The following NAALADL2 variants were observed in gnomAD, a reference collection of about 807,000 sequenced individuals.
NAALADL2 encodes inactive N-acetylated-alpha-linked acidic dipeptidase-like protein 2.
In NAALADL2, 76 loss-of-function variants were observed where a neutral mutation model predicts 87.2. That is an observed-to-expected ratio of 0.87 (90% CI 0.72 to 1.05). The LOEUF (loss-of-function observed/expected upper bound fraction) is 1.05, where lower values mean the gene tolerates loss of function less well. Among genes scored for constraint, NAALADL2 ranks in the 50% least tolerant of loss-of-function variants. NAALADL2 has a pLI of 0.00. For synonymous variants in NAALADL2, 354 were observed against 331.0 expected, an observed-to-expected ratio of 1.07 and a Z score of -0.75; for missense variants, 1,089 against 945.8, an observed-to-expected ratio of 1.15 and a Z score of -1.99.
intron 1 of NAALADL2, among the ~76,000 whole-genome samples, chr3:174,458,093 C>T (rs905993141): frequency 3.9e-5 from 6 of 152,080 alleles, no homozygotes; most frequent in Non-Finnish European, 7.4e-5. Flanking sequence ...CCCCTTGATA[C>T]AATTTACCTA....
chr3:175,068,844 T>A (rs1460684033), intron 1 of NAALADL2, among the ~76,000 whole-genome samples: 1 of 152,096 alleles, frequency 6.6e-6, no homozygotes. Flanking sequence ...GCACTTGGTA[T>A]CTTCCATGGA....
rs142110969 is a variant in NAALADL2, at chr3:175,354,881, TACACACAC to T, written c.1090+30572_1090+30579del. Among the ~76,000 whole-genome samples the T allele has an allele frequency of 5.4e-5, 8 of 146,934 alleles. No individual in the cohort carries two copies. In the South Asian group the frequency reaches 1.3e-3, roughly 24 times the overall value. ...CTATACATACATACATACATATATA[TACACACAC>T]ACACACACACACACATATACACACA... On this transcript the variant is annotated intron_variant, in intron 5 of 13. Transcript: ENST00000454872.
chr3:175,605,177 T>A lies in NAALADL2; in HGVS notation c.1801-22114T>A, dbSNP rs190941630. ...CATGACCTCAATGCCACCAGACCCT[T>A]TGCAGCTCATTTGTTCCTCCCTCAA... On this transcript the variant is annotated intron_variant, in intron 10 of 13. Transcript: ENST00000454872. Among the ~76,000 whole-genome samples, 4 of 152,304 alleles carry A rather than the reference T, an allele frequency of 2.6e-5. No homozygotes were observed. In the East Asian group the frequency reaches 7.7e-4, roughly 29 times the overall value.
At chr3:175,585,298 G>A (rs1264636307) in intron 10 of NAALADL2, among the ~76,000 whole-genome samples, 2 of 152,060 alleles carry the variant, frequency 1.3e-5, no homozygotes, top group Non-Finnish European at 1.5e-5. Context: ...GAGTACCATA[G>A]CATATGCCAT....
chr3:174,491,255 A>T (rs1718175784), intron 1 of NAALADL2, among the ~76,000 whole-genome samples: 1 of 152,258 alleles, frequency 6.6e-6, no homozygotes, highest in South Asian at 2.1e-4. Flanking sequence ...ACTGAATCTT[A>T]TAACTGCAGG....
intron 10 of NAALADL2, among the ~76,000 whole-genome samples, chr3:175,621,719 CTT>C (rs1726257099): frequency 6.6e-6 from 1 of 152,094 alleles, no homozygotes; most frequent in Non-Finnish European, 1.5e-5. Context: ...TGTATTAAGT[CTT>C]ATAAGTAATC....
At chr3:175,676,026 G>A (rs569400277) in intron 11 of NAALADL2, 1 of 152,144 alleles carries the variant, frequency 6.6e-6, no homozygotes, top group East Asian at 1.9e-4. Context: ...GCCCATCAAT[G>A]TCTTACATGA....
chr3:174,469,250 A>G (rs564017614), intron 1 of NAALADL2, among the ~76,000 whole-genome samples: 1 of 150,590 alleles, frequency 6.6e-6, no homozygotes, highest in South Asian at 2.1e-4. Flanking sequence ...AGCAAACACC[A>G]GTCTCCAGAC....
chr3:174,839,648 G>GA (rs887714360), intron 3 of NAALADL2, among the ~76,000 whole-genome samples: 8 of 151,026 alleles, frequency 5.3e-5, no homozygotes, highest in African/African-American at 7.3e-5. Context: ...AAATCAGCAA[G>GA]AAAAAAAACA....
At chr3:175,327,148 CTTTTTTTTTTT>C (rs35198621) in intron 5 of NAALADL2, among the ~76,000 whole-genome samples, 3 of 99,514 alleles carry the variant, frequency 3.0e-5, no homozygotes. Flanking sequence ...GTCTACATTT[CTTTTTTTTTTT>C]TTTTTTTTTT....
At chr3:175,198,759 T>C (rs1042597103) in intron 2 of NAALADL2, among the ~76,000 whole-genome samples, 1 of 151,074 alleles carries the variant, frequency 6.6e-6, no homozygotes, top group African/African-American at 2.4e-5. Context: ...TAAAGTACTT[T>C]GCAGATTTTT....
Position 175,097,029 on chromosome 3 carries a change from G to A in NAALADL2, c.283G>A (p.Gly95Arg), listed in dbSNP as rs201968057. 184 of 1,613,446 alleles carry A rather than the reference G, an allele frequency of 1.1e-4. No individual in the cohort carries two copies. The highest frequency in any genetic ancestry group is 1.4e-4 in the Non-Finnish European group (167 of 1,179,730). Reference protein sequence around the residue: ...DSIQPATSPKGRFQRLQEESD... With the variant: ...DSIQPATSPKRRFQRLQEESD... ...CATTCAACCAGCAACTTCACCCAAA[G>A]GAAGGTTCCAGAGACTTCAAGAAGA... The change falls in exon 2 of 14, where the codon GGA (glycine) becomes AGA (arginine). Residue 95 changes from glycine to arginine, a missense_variant. Gly to Arg is a moderately radical substitution (Grantham distance 125). Coordinates refer to ENST00000454872, the MANE Select transcript of NAALADL2 (RefSeq NM_207015.3).
intron 1 of NAALADL2, among the ~76,000 whole-genome samples, chr3:174,468,762 C>CTTTT (rs541184155): frequency 7.7e-6 from 1 of 130,146 alleles, no homozygotes; most frequent in Non-Finnish European, 1.7e-5. Flanking sequence ...TAACTATATT[C>CTTTT]TTTTTTTTTT....
rs148978072 is a variant in NAALADL2, at chr3:174,751,858, A to ATG, written c.-9+14129_-9+14130dup. 4.6e-3 allele frequency among the ~76,000 whole-genome samples: 696 copies of ATG among 151,170 alleles called. 9 individuals carry two copies. The South Asian group carries it at 0.054, about 12-fold the overall frequency. On this transcript the variant is annotated intron_variant, in intron 3 of 3. Coordinates refer to the NAALADL2 transcript ENST00000434257. ...TATTGACTTTAGAGATTATGTATGT[A>ATG]TGTGTGTGTGTGTGTGTGCGCGTGC...
chr3:174,887,196 C>T (rs192996072), intron 1 of NAALADL2, among the ~76,000 whole-genome samples: 1 of 152,188 alleles, frequency 6.6e-6, no homozygotes, highest in East Asian at 1.9e-4. Context: ...TAGGCATCTT[C>T]CTTTTTGCCT....
In NAALADL2 at chr3:174,804,645, A is replaced by G. The variant is rs185869322; in HGVS notation, c.-9+66899A>G. 2.5e-3 allele frequency among the ~76,000 whole-genome samples: 378 copies of G among 152,272 alleles called. 7 individuals are homozygous for G. The highest frequency in any genetic ancestry group is 0.021 in the Admixed American group (327 of 15,270). On this transcript the variant is annotated intron_variant, in intron 3 of 3. Coordinates refer to the NAALADL2 transcript ENST00000434257. ...TACTATTTTGAGATATGTTCCATCAATACCTACAGAAATCTTATGACATGG... is the reference window on the plus strand; with the variant it reads ...TACTATTTTGAGATATGTTCCATCAGTACCTACAGAAATCTTATGACATGG...
chr3:174,841,601 T>C (rs532327571), intron 3 of NAALADL2, among the ~76,000 whole-genome samples: 2 of 152,346 alleles, frequency 1.3e-5, no homozygotes, highest in African/African-American at 4.8e-5. Context: ...CTGTGTTAGA[T>C]CACTCTGTGG....
chr3:174,669,649 T>C (rs1726331575), intron 2 of NAALADL2, among the ~76,000 whole-genome samples: 1 of 152,110 alleles, frequency 6.6e-6, no homozygotes, highest in Admixed American at 6.6e-5. Context: ...TGTAGCTTTC[T>C]GCTGTATTTT....
chr3:175,150,576 C>A (rs1380251181), intron 2 of NAALADL2, among the ~76,000 whole-genome samples: 1 of 152,068 alleles, frequency 6.6e-6, no homozygotes, highest in Non-Finnish European at 1.5e-5. Context: ...GACATTTATA[C>A]CTTGGTAGCA....
Sources: gnomAD v4.1 joint callset for allele counts (sites outside exome capture counted in the v4.1 genomes callset) on GRCh38, gnomAD v4.1.1 for gene constraint, MANE v1.5 for transcripts, NCBI Gene and HGNC (gene_info 2026-07-23, HGNC 2026-07-21) for gene names.